PRUNE2: variants seen among roughly 807,000 people sequenced by gnomAD.
The protein encoded by PRUNE2 is prune homolog 2 with BCH domain, also known as protein prune homolog 2.
Under a neutral mutation model 252.0 loss-of-function variants are expected in PRUNE2, and 164 were observed. The observed-to-expected ratio is 0.65, with a 90% CI of 0.57 to 0.74. PRUNE2 has a LOEUF of 0.74. PRUNE2 is among the 30% of genes least tolerant of loss of function. PRUNE2 has a pLI of 0.00. For synonymous variants in PRUNE2, 1,292 were observed against 1,350.2 expected (o/e 0.96, Z 0.94); for missense variants, 3,495 against 3,711.0 (o/e 0.94, Z 1.51).
intron 1 of PRUNE2, among the ~76,000 whole-genome samples, chr9:76,902,567 T>C (rs994707188): frequency 2.0e-5 from 3 of 152,220 alleles, no homozygotes; most frequent in Non-Finnish European, 4.4e-5. Flanking sequence ...GGGCTTGCTC[T>C]CAGATTGCTT....
chr9:76,637,009 G>GTGTA (rs1554779750), intron 14 of PRUNE2, among the ~76,000 whole-genome samples: 2,740 of 150,378 alleles, frequency 0.018, 90 homozygotes, highest in African/African-American at 0.053. Context: ...GTGTGTGTGT[G>GTGTA]TATAATTTTA....
At chr9:76,652,230 A>G in intron 11 of PRUNE2, 1 of 351,662 alleles carries the variant, frequency 2.8e-6, no homozygotes, top group East Asian at 4.3e-5. Context: ...GTCTTCCCTC[A>G]GCCCCAGTGC....
chr9:76,622,562 A>G (rs945269124), intron 17 of PRUNE2, among the ~76,000 whole-genome samples: 1 of 152,198 alleles, frequency 6.6e-6, no homozygotes, highest in Non-Finnish European at 1.5e-5. Context: ...ATCATCCTGA[A>G]AAAATAAATC....
chr9:76,866,853 G>C (rs934750628), intron 1 of PRUNE2, among the ~76,000 whole-genome samples: 3 of 151,950 alleles, frequency 2.0e-5, no homozygotes, highest in African/African-American at 7.3e-5. Context: ...GAGGGAGAGA[G>C]GGAGCGGATG....
intron 6 of PRUNE2, among the ~76,000 whole-genome samples, chr9:76,791,157 A>G (rs1040434129): frequency 7.2e-5 from 11 of 152,184 alleles, no homozygotes; most frequent in African/African-American, 2.7e-4. Context: ...GACCTAATGC[A>G]CAGAATGGTG....
At position 76,651,100 on chromosome 9, in the gene PRUNE2, CA is replaced by C. The variant is rs1390229435; in HGVS notation, c.8557+1382del. 3.3e-5 allele frequency among the ~76,000 whole-genome samples: 5 copies of C among 152,144 alleles called. No homozygotes were observed. The East Asian group carries it at 9.7e-4, about 29-fold the overall frequency. ...ATTTGTGTATTTCAACCTACAGAAT[CA>C]ACTACCCAGATAACTACAGAAATTC... On this transcript the variant is annotated intron_variant, in intron 11 of 18. Transcript: ENST00000376718.
rs1230117333 is a variant in PRUNE2 at position 76,826,671 on chromosome 9, T to G, written c.570A>C (p.Glu190Asp). 32 of 1,612,470 alleles carry G rather than the reference T, an allele frequency of 2.0e-5. No individual in the cohort carries two copies. Among genetic ancestry groups the G allele is most frequent in the Non-Finnish European group, 2.5e-5 (29 of 1,179,154 alleles). Residue 190 changes from glutamate (E) to aspartate (D), a missense_variant, in exon 5 of 19, where the codon GAA (glutamate) becomes GAC (aspartate). By Grantham distance (45) the Glu-to-Asp change is conservative. Coordinates refer to ENST00000376718, the MANE Select transcript of PRUNE2 (RefSeq NM_015225.3). Reference sequence around the variant, plus strand: ...ATTTTTCTTCCAGGATAGAAAGAATTTCCTCCTGCTTCTCTGAGATCTTCT... The same window carrying G: ...ATTTTTCTTCCAGGATAGAAAGAATGTCCTCCTGCTTCTCTGAGATCTTCT... Reference protein sequence around the residue: ...ESEKISEKQEEILSILEEKFP... With the variant: ...ESEKISEKQEDILSILEEKFP...
chr9:76,835,550 T>C (rs533153082), intron 4 of PRUNE2, among the ~76,000 whole-genome samples: 4 of 152,298 alleles, frequency 2.6e-5, no homozygotes, highest in East Asian at 1.9e-4. Flanking sequence ...ACAGAAGAAA[T>C]AGTGAACACT....
chr9:76,701,772 GTTCCT>G (rs1258805826), intron 9 of PRUNE2, among the ~76,000 whole-genome samples: 4 of 152,116 alleles, frequency 2.6e-5, no homozygotes, highest in African/African-American at 4.8e-5. Flanking sequence ...CATTGTCCTT[GTTCCT>G]TTCATCAAGA....
At chr9:76,677,024 A>C (rs772651923) in intron 9 of PRUNE2, among the ~76,000 whole-genome samples, 14 of 152,256 alleles carry the variant, frequency 9.2e-5, no homozygotes, top group Non-Finnish European at 1.3e-4. Flanking sequence ...GTATTTTAAA[A>C]TAAATAAGAC....
At chr9:76,714,938 A>C (rs1455463206) in intron 6 of PRUNE2, among the ~76,000 whole-genome samples, 1 of 152,246 alleles carries the variant, frequency 6.6e-6, no homozygotes, top group Non-Finnish European at 1.5e-5. Context: ...ATATATGATC[A>C]TACCACATAA....
chr9:76,837,823 G>A (rs139067806), intron 4 of PRUNE2, among the ~76,000 whole-genome samples: 2 of 148,738 alleles, frequency 1.3e-5, no homozygotes, highest in Admixed American at 6.7e-5. Flanking sequence ...CCAGGCTGGA[G>A]TGCAGTGGCG....
At chr9:76,697,127 T>C (rs948951215) in intron 9 of PRUNE2, among the ~76,000 whole-genome samples, 3 of 152,176 alleles carry the variant, frequency 2.0e-5, no homozygotes, top group Admixed American at 6.5e-5. Context: ...GCAATTTTCA[T>C]AGAGATTTTT....
At chr9:76,640,785 C>T (rs907817050) in intron 12 of PRUNE2, among the ~76,000 whole-genome samples, 1 of 152,288 alleles carries the variant, frequency 6.6e-6, no homozygotes, top group Admixed American at 6.5e-5. Context: ...AGCAATTCAT[C>T]CTCAGCATGA....
Position 76,713,566 on chromosome 9 carries a change from A to G in PRUNE2, c.912T>C (p.Ser304=), listed in dbSNP as rs1452310481. Residue 304 remains serine, a synonymous_variant, in exon 7 of 19, where the codon AGT becomes AGC. Coordinates refer to ENST00000376718, the MANE Select transcript of PRUNE2 (RefSeq NM_015225.3). Reference sequence around the variant, plus strand: ...CGGGGTCAGAGGAGGGGCTCACCTGACTGCACAGCTCCATGTTTTCTGAGT... The same window carrying G: ...CGGGGTCAGAGGAGGGGCTCACCTGGCTGCACAGCTCCATGTTTTCTGAGT... The part of the protein sequence containing the change: ...AVYSENMELC[S]QICCELEECQ... 6.2e-7 allele frequency: 1 copy of G among 1,609,068 alleles called. No individual in the cohort carries two copies. Among genetic ancestry groups the G allele is most frequent in the East Asian group, 2.2e-5 (1 of 44,778 alleles).
At chr9:76,888,684 A>G (rs2133439592) in intron 1 of PRUNE2, among the ~76,000 whole-genome samples, 1 of 151,878 alleles carries the variant, frequency 6.6e-6, no homozygotes, top group South Asian at 2.1e-4. Context: ...AAAGAAAGAA[A>G]AGTTTCATTC....
chr9:76,696,427 G>A lies in PRUNE2; in HGVS notation c.8276+6910C>T, dbSNP rs185178787. On this transcript the variant is annotated intron_variant, in intron 9 of 18. Coordinates refer to ENST00000376718, the MANE Select transcript of PRUNE2 (RefSeq NM_015225.3). Reference sequence around the variant, plus strand: ...CTGCCCCAAGCCTCCCTCACCCTCCGACTTCCACTAGGTTTTTTGTTTGTT... The same window carrying A: ...CTGCCCCAAGCCTCCCTCACCCTCCAACTTCCACTAGGTTTTTTGTTTGTT... 3.7e-4 allele frequency among the ~76,000 whole-genome samples: 57 copies of A among 152,030 alleles called. No individual in the cohort carries two copies. In the East Asian group the frequency reaches 9.9e-3, roughly 26 times the overall value.
intron 6 of PRUNE2, among the ~76,000 whole-genome samples, chr9:76,746,316 C>T (rs1046275448): frequency 6.6e-6 from 1 of 152,202 alleles, no homozygotes. Context: ...CCTCACCCCC[C>T]AACCTCGGGA....
intron 9 of PRUNE2, among the ~76,000 whole-genome samples, chr9:76,665,285 C>A (rs1005177766): frequency 2.0e-5 from 3 of 152,168 alleles, no homozygotes; most frequent in African/African-American, 7.2e-5. Flanking sequence ...GCCAATCTTG[C>A]TGTCCTGTAC....
Sources: allele counts gnomAD v4.1 joint callset (sites outside exome capture counted in the v4.1 genomes callset), GRCh38; gene constraint gnomAD v4.1.1; transcripts MANE v1.5; gene names NCBI Gene and HGNC (gene_info 2026-07-23, HGNC 2026-07-21).